ZC3H14: variants seen among roughly 807,000 people sequenced by gnomAD.
The protein encoded by ZC3H14 is zinc finger CCCH domain-containing protein 14.
Under a neutral mutation model 92.4 loss-of-function variants are expected in ZC3H14, and 31 were observed. That is an observed-to-expected ratio of 0.34 (90% CI 0.25 to 0.45). The LOEUF is 0.45. Ranked by LOEUF, ZC3H14 falls within the 20% of genes least tolerant of loss-of-function variation. The pLI, the probability that ZC3H14 is intolerant of heterozygous loss-of-function variation, is 1.00. For missense variants in ZC3H14, 781 were observed against 897.3 expected, an observed-to-expected ratio of 0.87 and a Z score of 1.66; for synonymous variants, 321 against 300.9, an observed-to-expected ratio of 1.07 and a Z score of -0.69.
chr14:88,574,441 C>A, intron 6 of ZC3H14: 1 of 413,786 alleles, frequency 2.4e-6, no homozygotes, highest in South Asian at 2.1e-5. Context: ...GACAGGGTTT[C>A]ACCATATTGG....
chr14:88,617,109 AT>A lies in ZC3H14; in HGVS notation c.*5360del, dbSNP rs765331031. 3.0e-4 allele frequency: 117 copies of A among 385,466 alleles called. No individual in the cohort carries two copies. Among genetic ancestry groups the A allele is most frequent in the Non-Finnish European group, 4.2e-4 (90 of 214,500 alleles). 23.9% of individuals were successfully genotyped at this position (385,466 alleles called of 1,614,324 possible). On this transcript the variant is annotated 3_prime_UTR_variant, in exon 17 of 17. Transcript: ENST00000251038. ...GGGTTTCTAGATTAATCTTTTTAAG[AT>A]TAAAGTAGTACTTTATGAAAACTGA... is the stretch of plus-strand genomic sequence containing the variant.
At chr14:88,586,457 T>A (rs1355873403) in intron 9 of ZC3H14, 1 of 152,232 alleles carries the variant, frequency 6.6e-6, no homozygotes, top group Non-Finnish European at 1.5e-5. Flanking sequence ...TACCCAAATC[T>A]AGGTTGTTAG....
At chr14:88,579,012 CTT>C (rs1288653401) in intron 9 of ZC3H14, among the ~76,000 whole-genome samples, 1 of 151,966 alleles carries the variant, frequency 6.6e-6, no homozygotes, top group Admixed American at 6.6e-5. Flanking sequence ...CCTTTTGTCT[CTT>C]TTGTCGTCAA....
At chr14:88,567,292 T>G (rs2079807507) in intron 2 of ZC3H14, among the ~76,000 whole-genome samples, 1 of 151,684 alleles carries the variant, frequency 6.6e-6, no homozygotes, top group Non-Finnish European at 1.5e-5. Flanking sequence ...ATTTTTTGTA[T>G]TTTTAGTAGA....
In ZC3H14 at chr14:88,619,027, C is replaced by T. The variant is rs2088309757; in HGVS notation, c.*7276C>T. The T allele has an allele frequency of 7.6e-6, 3 of 394,028 alleles. No individual in the cohort carries two copies. In the East Asian group the frequency reaches 1.3e-4, roughly 17 times the overall value. The allele number at this position is 394,028 out of a possible 1,614,324, so 24.4% of individuals were successfully genotyped here. A position where few individuals can be genotyped will look rare whatever the true frequency, so the allele number is the denominator to read the frequency against. On this transcript the variant is annotated 3_prime_UTR_variant, in exon 17 of 17. Coordinates refer to ENST00000251038, the MANE Select transcript of ZC3H14 (RefSeq NM_024824.5). The stretch of plus-strand genomic sequence containing the variant: ...TTTACTTAAATTTTAAATATTTCCC[C>T]AATTGTCATCTCCCAATTCCTTTAA...
In ZC3H14 at chr14:88,624,139, C is replaced by T. The variant is rs61984735; in HGVS notation, c.*12388C>T. The T allele has an allele frequency of 0.086, 13,102 of 152,130 alleles. 683 individuals carry two copies. The highest frequency in any genetic ancestry group is 0.12 in the Non-Finnish European group (7,837 of 68,086). 9.4% of individuals were successfully genotyped at this position (152,130 alleles called of 1,614,324 possible). ...CACCCAGGCTGGAGTGCAGTGGCACCATCACAGCTCACTAAAGCCTTGACC... is the reference window on the plus strand; with the variant it reads ...CACCCAGGCTGGAGTGCAGTGGCACTATCACAGCTCACTAAAGCCTTGACC... On this transcript the variant is annotated 3_prime_UTR_variant, in exon 17 of 17. Coordinates refer to ENST00000251038, the MANE Select transcript of ZC3H14 (RefSeq NM_024824.5).
chr14:88,566,230 G>C (rs1482184207), intron 2 of ZC3H14, among the ~76,000 whole-genome samples: 3 of 151,578 alleles, frequency 2.0e-5, no homozygotes, highest in African/African-American at 7.3e-5. Flanking sequence ...AATATAATTG[G>C]ATTTGTGATT....
In ZC3H14 at chr14:88,624,667, C is replaced by T. The variant is rs1375003093; in HGVS notation, c.*12916C>T. The T allele has an allele frequency of 2.7e-5, 7 of 255,316 alleles. No homozygotes were observed. Among genetic ancestry groups the T allele is most frequent in the Non-Finnish European group, 5.2e-5 (7 of 135,200 alleles). 15.8% of individuals were successfully genotyped at this position (255,316 alleles called of 1,614,324 possible). A position where few individuals can be genotyped will look rare whatever the true frequency, so the allele number is the denominator to read the frequency against. ...CCCTGGCTCCAGATTCCCCCATGGGCCTCCTACTCAGCAAATCATACACAG... is the reference window on the plus strand; with the variant it reads ...CCCTGGCTCCAGATTCCCCCATGGGTCTCCTACTCAGCAAATCATACACAG... On this transcript the variant is annotated 3_prime_UTR_variant, in exon 17 of 17. Coordinates refer to ENST00000251038, the MANE Select transcript of ZC3H14 (RefSeq NM_024824.5).
chr14:88,584,250 A>G (rs1311386951), intron 9 of ZC3H14, among the ~76,000 whole-genome samples: 1 of 152,216 alleles, frequency 6.6e-6, no homozygotes, highest in Admixed American at 6.5e-5. Flanking sequence ...ATACACTTAT[A>G]TGTGGATTTT....
In ZC3H14 at chr14:88,618,620, C is replaced by T; in HGVS notation, c.*6869C>T. 1 of 1,581,502 alleles carries T rather than the reference C, an allele frequency of 6.3e-7. No homozygotes were observed. Reference sequence around the variant, plus strand: ...CGAAATGTAAAAGCAGAAGAACTTGCCACCTGGGTATACAGTATTGGTACT... The same window carrying T: ...CGAAATGTAAAAGCAGAAGAACTTGTCACCTGGGTATACAGTATTGGTACT... On this transcript the variant is annotated 3_prime_UTR_variant, in exon 17 of 17. Coordinates refer to ENST00000251038, the MANE Select transcript of ZC3H14 (RefSeq NM_024824.5).
intron 9 of ZC3H14, among the ~76,000 whole-genome samples, chr14:88,586,386 A>G (rs1477731024): frequency 6.6e-6 from 1 of 152,190 alleles, no homozygotes; most frequent in Non-Finnish European, 1.5e-5. Context: ...ATATTTTCCA[A>G]GAGTCTATTC....
intron 3 of ZC3H14, among the ~76,000 whole-genome samples, chr14:88,570,334 G>C (rs1016167349): frequency 6.6e-6 from 1 of 152,162 alleles, no homozygotes; most frequent in African/African-American, 2.4e-5. Flanking sequence ...CATATTTTGA[G>C]AGGTACTGGG....
rs369575837 is a variant in ZC3H14 at position 88,621,263 on chromosome 14, G to T, written c.*9512G>T. On this transcript the variant is annotated 3_prime_UTR_variant, in exon 17 of 17. Coordinates refer to ENST00000251038, the MANE Select transcript of ZC3H14 (RefSeq NM_024824.5). ...AAGCTGCATTTTTCTCTCCAACTTC[G>T]ATTATTTCAGCATTCCTTGTCCCAA... 7.4e-6 allele frequency: 12 copies of T among 1,613,808 alleles called. No homozygotes were observed. The highest frequency in any genetic ancestry group is 1.0e-5 in the Non-Finnish European group (12 of 1,179,862).
Position 88,621,598 on chromosome 14 carries a change from C to A in ZC3H14, c.*9847C>A. ...TTTTTATTTGATAATCTTAGGATTT[C>A]CAAACTGGGGTCAGTGCAGTGGGAT... On this transcript the variant is annotated 3_prime_UTR_variant, in exon 17 of 17. Coordinates refer to ENST00000251038, the MANE Select transcript of ZC3H14 (RefSeq NM_024824.5). 1 of 417,706 alleles carries A rather than the reference C, an allele frequency of 2.4e-6. No individual in the cohort carries two copies. The highest frequency in any genetic ancestry group is 3.1e-5 in the South Asian group (1 of 32,060). 25.9% of individuals were successfully genotyped at this position (417,706 alleles called of 1,614,324 possible). A position where few individuals can be genotyped will look rare whatever the true frequency, so the allele number is the denominator to read the frequency against.
chr14:88,603,115 C>T (rs2084881835), intron 12 of ZC3H14, 55 bp downstream of exon 12: 6 of 1,526,108 alleles, frequency 3.9e-6, no homozygotes, highest in African/African-American at 1.4e-5. Context: ...GAATCTTTGA[C>T]TTGTTTCTCT....
intron 10 of ZC3H14, among the ~76,000 whole-genome samples, chr14:88,598,021 TG>T (rs1425817616): frequency 1.3e-5 from 2 of 152,222 alleles, no homozygotes; most frequent in Admixed American, 1.3e-4. Flanking sequence ...CAATACTCTT[TG>T]TTATTTCTCT....
rs751647959 is a variant in ZC3H14 at position 88,571,070 on chromosome 14, G to GT, written c.195-7dup. The GT allele has an allele frequency of 1.2e-5, 18 of 1,528,020 alleles. No homozygotes were observed. The African/African-American group carries it at 1.5e-4, about 13-fold the overall frequency. 94.7% of individuals were successfully genotyped at this position (1,528,020 alleles called of 1,614,324 possible). On this transcript the variant is annotated splice_polypyrimidine_tract_variant and intron_variant, in intron 3 of 16. Transcript: ENST00000251038. ...AACAGAAGGTTTATTTTTGTTTTTT[G>GT]TTTTTTTCCTCAGGCTTCATGGTGT...
chr14:88,603,017 G>T lies in ZC3H14; in HGVS notation c.1704G>T (p.Leu568Phe). ...RGLLHPQQLH[L>F]LSRQLEDPNG... ...TCCTCCACCCACAGCAGTTGCACTT[G>T]CTGAGCAGGCAGCTTGAGGACCCAA... The change falls in exon 12 of 17, where the codon TTG (leucine) becomes TTT (phenylalanine). Residue 568 changes from leucine (L) to phenylalanine (F), a missense_variant. By Grantham distance (22) the Leu-to-Phe change is conservative. Transcript: ENST00000251038. 1 of 1,614,198 alleles carries T rather than the reference G, an allele frequency of 6.2e-7. No individual in the cohort carries two copies.
At chr14:88,571,980 T>TA in intron 4 of ZC3H14, 50 bp from the exon 5 acceptor site, 2 of 1,378,456 alleles carry the variant, frequency 1.5e-6, no homozygotes, top group Non-Finnish European at 1.9e-6. Context: ...AATAAATAAA[T>TA]AAAAATAAGA....
Sources: allele counts gnomAD v4.1 joint callset (sites outside exome capture counted in the v4.1 genomes callset), GRCh38; gene constraint gnomAD v4.1.1; transcripts MANE v1.5; gene names NCBI Gene and HGNC (gene_info 2026-07-23, HGNC 2026-07-21).